The following THBS3 variants were observed in gnomAD, a reference collection of about 807,000 sequenced individuals.
The protein encoded by THBS3 is thrombospondin 3, also known as thrombospondin-3.
In THBS3, 78 loss-of-function variants were observed where a neutral mutation model predicts 118.3. The observed-to-expected ratio is 0.66, with a 90% CI of 0.55 to 0.80. The LOEUF (loss-of-function observed/expected upper bound fraction) is 0.80. THBS3 is among the 30% of genes least tolerant of loss of function. The pLI, the probability that THBS3 is intolerant of heterozygous loss-of-function variation, is 0.00. For missense variants in THBS3, 1,057 were observed against 1,247.4 expected, an observed-to-expected ratio of 0.85 and a Z score of 2.30; for synonymous variants, 427 against 475.3, an observed-to-expected ratio of 0.90 and a Z score of 1.32.
In THBS3 at chr1:155,205,158, C is replaced by A. The variant is rs754840864; in HGVS notation, c.445G>T (p.Asp149Tyr). 1.9e-6 allele frequency: 3 copies of A among 1,614,082 alleles called. No individual in the cohort carries two copies. The highest frequency in any genetic ancestry group is 2.5e-6 in the Non-Finnish European group (3 of 1,180,044). The change falls in exon 3 of 23, where the codon GAC becomes TAC. Residue 149 changes from aspartate to tyrosine, a missense_variant. This residue lies in a region of THBS3 where 206 missense variants were observed against 205.7 expected (regional missense o/e 1.00). Coordinates refer to ENST00000368378, the MANE Select transcript of THBS3 (RefSeq NM_007112.5). Reference sequence around the variant, plus strand: ...AGTGCTGGAAGGCCTGCATGTTGGTCACCCAGTTTGCAGTCCACGTAGAGA... The same window carrying A: ...AGTGCTGGAAGGCCTGCATGTTGGTAACCCAGTTTGCAGTCCACGTAGAGA... ...LHLYVDCKLG[D>Y]QHAGLPALAP... is the part of the protein sequence containing the mutation.
At position 155,197,462 on chromosome 1, in the gene THBS3, C is replaced by G; in HGVS notation, c.2499+1G>C. On this transcript the variant is annotated splice_donor_variant, in intron 20 of 22. Coordinates refer to ENST00000368378, the MANE Select transcript of THBS3 (RefSeq NM_007112.5). LOFTEE classifies it high-confidence loss of function. This position sits in a 1 kb window ranked among gnomAD's most constrained non-coding sequence, Gnocchi z 5.0. ...GTTGCGGAATCTGAGCAGCTGGGGACCTTGAGCTGCAGCCCGGGCTGGGCA... is the reference window on the plus strand; with the variant it reads ...GTTGCGGAATCTGAGCAGCTGGGGAGCTTGAGCTGCAGCCCGGGCTGGGCA... The G allele has an allele frequency of 6.2e-7, 1 of 1,611,976 alleles. No homozygotes were observed. The highest frequency in any genetic ancestry group is 8.5e-7 in the Non-Finnish European group (1 of 1,179,754).
At chr1:155,207,398 T>G (rs896283838) in intron 1 of THBS3, among the ~76,000 whole-genome samples, 3 of 152,122 alleles carry the variant, frequency 2.0e-5, no homozygotes, top group Non-Finnish European at 2.9e-5. Flanking sequence ...CCAGGCTTCT[T>G]GGTCCCCACC....
At chr1:155,209,109 G>A (rs1670948397), upstream of THBS3, 2 of 1,542,790 alleles carry the variant, frequency 1.3e-6, no homozygotes, top group Non-Finnish European at 8.7e-7. Context: ...GCTGCCAGTC[G>A]GGCCAGAAGA....
At chr1:155,199,967 C>A in intron 15 of THBS3, 28 bp downstream of exon 15, 1 of 1,601,178 alleles carries the variant, frequency 6.2e-7, no homozygotes, top group South Asian at 1.1e-5. Context: ...ACCCTCATCC[C>A]TCCCCTGTCC....
chr1:155,203,632 C>T (rs1670132746), intron 4 of THBS3, 93 bp from the exon 5 acceptor site: 15 of 1,491,696 alleles, frequency 1.0e-5, no homozygotes, highest in Non-Finnish European at 9.2e-7. Context: ...AGGACAGGGA[C>T]AGGGCTGGAG....
chr1:155,202,821 G>A lies in THBS3; in HGVS notation c.948C>T (p.Asp316=). ...CTCTGACCTCCCTCACCTCATTGAT[G>A]TCACTGCAGTGGGTGCCGTTGCCCT... is the stretch of plus-strand genomic sequence containing the variant. ...GLQGNGTHCS[D]INECAHADPC... is the part of the protein sequence containing the mutation. Residue 316 remains aspartate (D), a synonymous_variant, in exon 8 of 23, where the codon GAC becomes GAT. Coordinates refer to ENST00000368378, the MANE Select transcript of THBS3 (RefSeq NM_007112.5). The surrounding 1 kb of genome is among the most constrained non-coding windows in gnomAD (Gnocchi z 5.5). The A allele has an allele frequency of 1.2e-6, 2 of 1,611,992 alleles. No homozygotes were observed. Among genetic ancestry groups the A allele is most frequent in the Middle Eastern group, 1.7e-4 (1 of 6,056 alleles).
chr1:155,207,998 A>T, upstream of THBS3: 1 of 406,124 alleles, frequency 2.5e-6, no homozygotes, highest in South Asian at 2.0e-5. Flanking sequence ...CAGGCGGGTG[A>T]GGGGGGGCTG....
At chr1:155,201,266 T>A in intron 11 of THBS3, 62 bp from the exon 12 acceptor site, 1 of 1,606,250 alleles carries the variant, frequency 6.2e-7, no homozygotes, top group Non-Finnish European at 8.5e-7. Context: ...CCCTATATTT[T>A]CCCTGCTTCA....
intron 4 of THBS3, among the ~76,000 whole-genome samples, 197 bp from the exon 5 acceptor site, chr1:155,203,736 G>A (rs67579710): frequency 0.13 from 20,395 of 152,202 alleles, 1,732 homozygotes; most frequent in African/African-American, 0.24. Context: ...GCCCTCTAAG[G>A]GAGTTGCTTC....
Position 155,197,400 on chromosome 1 carries a change from T to C in THBS3, c.2499+63A>G. ...CCCAGTCAAGCAGTGGGGGAGGCCC[T>C]GGGGCTGCAGAGGAGAGCTTTGGGA... On this transcript the variant is annotated intron_variant, in intron 20 of 22. Coordinates refer to ENST00000368378, the MANE Select transcript of THBS3 (RefSeq NM_007112.5). The surrounding 1 kb of genome is among the most constrained non-coding windows in gnomAD (Gnocchi z 5.0). 2.5e-6 allele frequency: 4 copies of C among 1,578,296 alleles called. No homozygotes were observed. Among genetic ancestry groups the C allele is most frequent in the Non-Finnish European group, 3.4e-6 (4 of 1,159,440 alleles).
rs752006128 is a variant in THBS3 at position 155,197,144 on chromosome 1, CA to C, written c.2568del (p.Asp857IlefsTer36). On this transcript the variant is annotated frameshift_variant, in exon 21 of 23. Coordinates refer to ENST00000368378, the MANE Select transcript of THBS3 (RefSeq NM_007112.5). LOFTEE classifies it high-confidence loss of function. This position sits in a 1 kb window ranked among gnomAD's most constrained non-coding sequence, Gnocchi z 5.0. Reference sequence around the variant, plus strand: ...TCTGTCCACAGCAGTCGTACCTGATCAGGGGTGTGGCCAGTATGCCACAGGG... The same window carrying C: ...TCTGTCCACAGCAGTCGTACCTGATCGGGGTGTGGCCAGTATGCCACAGGG... ...RNALWHTGHTPDQVRLLWTDP... is the reference protein window; with the variant it reads ...RNALWHTGHTXDQVRLLWTDP... 15 of 1,614,198 alleles carry C rather than the reference CA, an allele frequency of 9.3e-6. No homozygotes were observed. The highest frequency in any genetic ancestry group is 1.3e-5 in the African/African-American group (1 of 75,058).
At position 155,205,214 on chromosome 1, in the gene THBS3, C is replaced by G; in HGVS notation, c.389G>C (p.Arg130Pro). The change falls in exon 3 of 23, where the codon CGA (arginine) becomes CCA (proline). Residue 130 changes from arginine to proline, a missense_variant. Around this residue, in one of 3 missense-constraint regions of THBS3, gnomAD observed 206 missense variants for 205.7 expected, o/e 1.00. Transcript: ENST00000368378. ...GRTHTVLLRL[R>P]GPSRPSPALH... is the part of the protein sequence containing the mutation. Reference sequence around the variant, plus strand: ...GGCAGGGCTGGGTCTGGAGGGACCTCGGAGTCGCAGGAGAACTGTGTGTGT... The same window carrying G: ...GGCAGGGCTGGGTCTGGAGGGACCTGGGAGTCGCAGGAGAACTGTGTGTGT... 6.2e-7 allele frequency: 1 copy of G among 1,614,180 alleles called. No individual in the cohort carries two copies. The highest frequency in any genetic ancestry group is 8.5e-7 in the Non-Finnish European group (1 of 1,180,032).
intron 16 of THBS3, 54 bp from the exon 17 acceptor site, chr1:155,198,656 C>T (rs1669104343): frequency 6.4e-7 from 1 of 1,559,598 alleles, no homozygotes; most frequent in Non-Finnish European, 8.7e-7. Flanking sequence ...CCTTGTCCTT[C>T]CCTTCGCTTC....
chr1:155,199,551 C>T (rs1244555945), intron 16 of THBS3, among the ~76,000 whole-genome samples: 3 of 152,048 alleles, frequency 2.0e-5, no homozygotes, highest in Admixed American at 6.6e-5. Flanking sequence ...GTAAGGAGTT[C>T]GAGACCAGCC....
At chr1:155,200,768 G>A (rs544939253) in intron 13 of THBS3, 129 bp downstream of exon 13, 52 of 1,578,898 alleles carry the variant, frequency 3.3e-5, no homozygotes, top group Non-Finnish European at 4.2e-5. Context: ...TCCTGGGCAC[G>A]AGGTTTTTGC....
rs1449429823 is a variant in THBS3, at chr1:155,203,136, A to T, written c.758T>A (p.Val253Glu). ...GTTTCGGATCAGGGACATTTCCTTCACCTGGAGAAGGATGGGGAGGAGTCA... is the reference window on the plus strand; with the variant it reads ...GTTTCGGATCAGGGACATTTCCTTCTCCTGGAGAAGGATGGGGAGGAGTCA... The part of the protein sequence containing the change: ...VELRDDIRDQ[V>E]KEMSLIRNTI... Residue 253 changes from valine (V) to glutamate (E), a missense_variant and splice_region_variant, in exon 7 of 23, where the codon GTG (valine) becomes GAG (glutamate). Transcript: ENST00000368378. The T allele has an allele frequency of 6.2e-7, 1 of 1,614,114 alleles. No individual in the cohort carries two copies.
Position 155,200,558 on chromosome 1 carries a change from GA to G in THBS3, c.1600del (p.Ser534HisfsTer71). The G allele has an allele frequency of 6.2e-7, 1 of 1,614,194 alleles. No individual in the cohort carries two copies. The highest frequency in any genetic ancestry group is 8.5e-7 in the Non-Finnish European group (1 of 1,180,040). The stretch of plus-strand genomic sequence containing the variant: ...GCAATTGTCACAGGCATCACCAAAT[GA>G]ATCTGTATCTGAGTTCTGCTGGTCT... Reference protein sequence around the residue: ...NKDQQNSDTDSFGDACDNCPN... With the variant: ...NKDQQNSDTDXFGDACDNCPN... On this transcript the variant is annotated frameshift_variant, in exon 14 of 23. Coordinates refer to ENST00000368378, the MANE Select transcript of THBS3 (RefSeq NM_007112.5). LOFTEE classifies it high-confidence loss of function.
At chr1:155,205,428 C>G (rs1273278383) in intron 2 of THBS3, 112 bp from the exon 3 acceptor site, 5 of 1,411,976 alleles carry the variant, frequency 3.5e-6, no homozygotes, top group Non-Finnish European at 4.8e-6. Flanking sequence ...ATCCCTAATT[C>G]TACTATGTGG....
chr1:155,197,622 G>T lies in THBS3; in HGVS notation c.2340C>A (p.Thr780=), dbSNP rs1668896588. The part of the protein sequence containing the change: ...TAFNGVDFEG[T]FHVNTVTDDD... ...CATCAGTCACTGTGTTCACATGGAA[G>T]GTGCCTTCAAAGTCCACACCATTGA... Residue 780 remains threonine, a synonymous_variant, in exon 20 of 23, where the codon ACC becomes ACA. Transcript: ENST00000368378. This position sits in a 1 kb window ranked among gnomAD's most constrained non-coding sequence, Gnocchi z 5.0. 6.2e-7 allele frequency: 1 copy of T among 1,613,570 alleles called. No individual in the cohort carries two copies. The highest frequency in any genetic ancestry group is 1.7e-5 in the Admixed American group (1 of 59,954).
Sources: gnomAD v4.1 joint callset for allele counts (sites outside exome capture counted in the v4.1 genomes callset) on GRCh38, gnomAD v4.1.1 for gene constraint, gnomAD v4.1.1 regional missense constraint, Gnocchi (gnomAD v3.1) non-coding constraint, MANE v1.5 for transcripts, NCBI Gene and HGNC (gene_info 2026-07-23, HGNC 2026-07-21) for gene names.